PTCSC3: variants seen among roughly 807,000 people sequenced by gnomAD.
The protein encoded by PTCSC3 is papillary thyroid carcinoma susceptibility candidate 3, also known as papillary thyroid carcinoma susceptibility candidate 3 (non-protein coding).
chr14:36,152,745 A>T (rs1881749885), intron 3 of PTCSC3, among the ~76,000 whole-genome samples: 1 of 151,712 alleles, frequency 6.6e-6, no homozygotes, highest in East Asian at 1.9e-4. Context: ...AATAAAAAAA[A>T]TAGCTAGGCA....
At chr14:36,135,304 G>A (rs974547219), downstream of PTCSC3, among the ~76,000 whole-genome samples, 10 of 151,986 alleles carry the variant, frequency 6.6e-5, no homozygotes, top group African/African-American at 2.4e-4. Flanking sequence ...TGTTTTCATG[G>A]TTAATTTACC....
At chr14:36,167,614 C>T (rs945692116) in intron 1 of PTCSC3, among the ~76,000 whole-genome samples, 2 of 152,126 alleles carry the variant, frequency 1.3e-5, no homozygotes, top group Non-Finnish European at 2.9e-5. Flanking sequence ...CCTCAGTCCC[C>T]TCCCAAAGCC....
At chr14:36,175,833 C>A (rs1313078136) in intron 1 of PTCSC3, among the ~76,000 whole-genome samples, 1 of 152,196 alleles carries the variant, frequency 6.6e-6, no homozygotes, top group African/African-American at 2.4e-5. Context: ...CTGAAAGATA[C>A]TTTCCAAAAT....
intron 2 of PTCSC3, among the ~76,000 whole-genome samples, chr14:36,159,284 G>T (rs538104091): frequency 6.7e-6 from 1 of 150,072 alleles, no homozygotes; most frequent in African/African-American, 2.4e-5. Context: ...CTTGTCTTCT[G>T]CTAGCTTTTG....
At chr14:36,176,130 A>G (rs945494286) in intron 1 of PTCSC3, among the ~76,000 whole-genome samples, 2 of 152,212 alleles carry the variant, frequency 1.3e-5, no homozygotes, top group East Asian at 3.9e-4. Flanking sequence ...TCCTTTCTCC[A>G]GAGAGCAATA....
At chr14:36,147,406 ATTCAT>A (rs1411542460) in intron 3 of PTCSC3, among the ~76,000 whole-genome samples, 3 of 151,580 alleles carry the variant, frequency 2.0e-5, no homozygotes, top group Non-Finnish European at 4.4e-5. Flanking sequence ...CCTTCATTTC[ATTCAT>A]TTCATCTTCC....
chr14:36,173,504 T>C (rs1411214530), intron 1 of PTCSC3, among the ~76,000 whole-genome samples: 1 of 152,042 alleles, frequency 6.6e-6, no homozygotes. Context: ...TAAAAAACTT[T>C]TAGCTAACTC....
At chr14:36,160,592 A>G (rs934386425) in intron 2 of PTCSC3, among the ~76,000 whole-genome samples, 7 of 152,134 alleles carry the variant, frequency 4.6e-5, no homozygotes, top group African/African-American at 9.7e-5. Flanking sequence ...CAAGACATCC[A>G]CTTTTAGTCT....
At chr14:36,135,864 T>TATATATG (rs1566500304), downstream of PTCSC3, among the ~76,000 whole-genome samples, 1 of 31,822 alleles carries the variant, frequency 3.1e-5, no homozygotes, top group African/African-American at 5.0e-5. Context: ...GAGGGACAGA[T>TATATATG]ATATATATAT....
rs897556993 is a variant in PTCSC3 at position 36,162,275 on chromosome 14, A to C, written n.231+349T>G. On this transcript the variant is annotated intron_variant and non_coding_transcript_variant, in intron 2 of 3. Coordinates refer to ENST00000556013, the Ensembl canonical transcript of PTCSC3. ...GGGGTATGGAAAAAAAAAAAAAAAA[A>C]AAAAAAAAAACTCCTGCAGCCAGCT... Among the ~76,000 whole-genome samples the C allele has an allele frequency of 2.0e-3, 308 of 150,836 alleles. 3 individuals are homozygous for C. The highest frequency in any genetic ancestry group is 7.2e-3 in the African/African-American group (293 of 40,796).
At chr14:36,167,380 A>T (rs764832782) in intron 1 of PTCSC3, among the ~76,000 whole-genome samples, 2 of 152,052 alleles carry the variant, frequency 1.3e-5, no homozygotes, top group Non-Finnish European at 2.9e-5. Flanking sequence ...TATTTATGTC[A>T]TTATAAACAG....
chr14:36,164,341 G>A (rs1882040745), intron 1 of PTCSC3: 1 of 152,114 alleles, frequency 6.6e-6, no homozygotes, highest in Admixed American at 6.5e-5. Flanking sequence ...AAAGGAAGGG[G>A]CTATAAAATA....
At chr14:36,136,938 A>T (rs757936163) in intron 3 of PTCSC3, among the ~76,000 whole-genome samples, 1 of 152,176 alleles carries the variant, frequency 6.6e-6, no homozygotes, top group Admixed American at 6.5e-5. Context: ...TATTCTTGCT[A>T]TTGAGAATAT....
At chr14:36,154,067 G>GAAA (rs56394642) in intron 2 of PTCSC3, among the ~76,000 whole-genome samples, 3 of 144,946 alleles carry the variant, frequency 2.1e-5, no homozygotes, top group Admixed American at 6.9e-5. Flanking sequence ...ACCCTGTCTC[G>GAAA]AAAAAAAAAA....
intron 1 of PTCSC3, among the ~76,000 whole-genome samples, chr14:36,173,836 G>T (rs1023420843): frequency 1.3e-5 from 2 of 151,972 alleles, no homozygotes; most frequent in Non-Finnish European, 2.9e-5. Flanking sequence ...TCTTGTTTAC[G>T]GAGGCTCTTT....
chr14:36,146,633 G>A (rs1488563617), intron 3 of PTCSC3, among the ~76,000 whole-genome samples: 1 of 149,194 alleles, frequency 6.7e-6, no homozygotes, highest in Non-Finnish European at 1.5e-5. Context: ...CAGTCTGTGT[G>A]TTTTAATTGG....
At chr14:36,175,172 A>T (rs1882261150) in intron 1 of PTCSC3, among the ~76,000 whole-genome samples, 1 of 152,136 alleles carries the variant, frequency 6.6e-6, no homozygotes, top group Non-Finnish European at 1.5e-5. Context: ...CCCCAGCTCA[A>T]CAGGACTGCC....
chr14:36,148,587 T>C (rs2415319), intron 3 of PTCSC3, among the ~76,000 whole-genome samples: 95,118 of 152,068 alleles, frequency 0.63, 30,365 homozygotes, highest in Middle Eastern at 0.69. Context: ...GAGATGAACC[T>C]GGTACCTCAG....
At chr14:36,166,802 A>G (rs2139111076) in intron 1 of PTCSC3, among the ~76,000 whole-genome samples, 1 of 152,244 alleles carries the variant, frequency 6.6e-6, no homozygotes, top group Admixed American at 6.5e-5. Context: ...TTCTTTCTAA[A>G]TTTTTGCTCA....
Sources: gnomAD v4.1 joint callset for allele counts (sites outside exome capture counted in the v4.1 genomes callset) on GRCh38, gnomAD v4.1.1 for gene constraint, MANE v1.5 for transcripts, NCBI Gene and HGNC (gene_info 2026-07-23, HGNC 2026-07-21) for gene names.